DSCAML1: variants seen among roughly 807,000 people sequenced by gnomAD.
DSCAML1 encodes cell adhesion molecule DSCAML1.
In DSCAML1, 38 loss-of-function variants were observed where a neutral mutation model predicts 200.5. The ratio of observed to expected loss-of-function variants is 0.19; its 90% CI spans 0.15 to 0.25. The LOEUF is 0.25. DSCAML1 is among the 10% of genes least tolerant of loss of function. The pLI is 1.00. For missense variants in DSCAML1, 2,223 were observed against 2,858.8 expected (o/e 0.78, Z 5.07); for synonymous variants, 1,215 against 1,165.0 (o/e 1.04, Z -0.87).
rs2049834921 is a variant in DSCAML1, at chr11:117,518,963, C to T, written c.1214-201G>A. ...ACATGGATTCAGGCTGTAGGGTTTG[C>T]ATCCTCCCTCAATCACTTATTAGCT... On this transcript the variant is annotated intron_variant, in intron 6 of 32. Coordinates refer to ENST00000651296, the MANE Select transcript of DSCAML1 (RefSeq NM_020693.4). This position sits in a 1 kb window ranked among gnomAD's most constrained non-coding sequence, Gnocchi z 6.3. Among the ~76,000 whole-genome samples the T allele has an allele frequency of 6.6e-6, 1 of 152,240 alleles. No individual in the cohort carries two copies.
At position 117,442,209 on chromosome 11, in the gene DSCAML1, G is replaced by A. The variant is rs1478782442; in HGVS notation, c.3862+1677C>T. On this transcript the variant is annotated intron_variant, in intron 21 of 32. Transcript: ENST00000651296. Reference sequence around the variant, plus strand: ...TGTGTATGTGTGTGCATGTGTGCATGTATTAGTGTGTCTAGTGTGTGTGTG... The same window carrying A: ...TGTGTATGTGTGTGCATGTGTGCATATATTAGTGTGTCTAGTGTGTGTGTG... 2.0e-5 allele frequency among the ~76,000 whole-genome samples: 3 copies of A among 147,034 alleles called. No individual in the cohort carries two copies. In the East Asian group the frequency reaches 6.4e-4, roughly 31 times the overall value.
At chr11:117,683,636 G>C (rs918426338) in intron 3 of DSCAML1, among the ~76,000 whole-genome samples, 7 of 152,164 alleles carry the variant, frequency 4.6e-5, no homozygotes, top group African/African-American at 9.7e-5. Flanking sequence ...CAGAGGGGTC[G>C]AGCTTGTAGC....
Position 117,482,166 on chromosome 11 carries a change from G to T in DSCAML1, c.2360-4C>A. On this transcript the variant is annotated splice_region_variant and splice_polypyrimidine_tract_variant and intron_variant, in intron 11 of 32. Transcript: ENST00000651296. ...TGGGAAGTGATCATGGCCGGGACTG[G>T]GGGGCGGAGGCAGAGAAGGCCCAGT... The T allele has an allele frequency of 6.2e-7, 1 of 1,613,960 alleles. No homozygotes were observed.
At chr11:117,536,821 TACTACAAAGAC>T (rs1323620264) in intron 3 of DSCAML1, among the ~76,000 whole-genome samples, 1 of 152,198 alleles carries the variant, frequency 6.6e-6, no homozygotes, top group African/African-American at 2.4e-5. Context: ...CTTTTATTAT[TACTACAAAGAC>T]CCTGACCTGT....
intron 8 of DSCAML1, among the ~76,000 whole-genome samples, chr11:117,511,052 GA>G (rs1440593623): frequency 6.6e-6 from 1 of 152,176 alleles, no homozygotes; most frequent in East Asian, 1.9e-4. Context: ...TATCATCATA[GA>G]AACCCCCAAC....
At chr11:117,486,339 C>T (rs1021831457) in intron 11 of DSCAML1, among the ~76,000 whole-genome samples, 3 of 148,654 alleles carry the variant, frequency 2.0e-5, no homozygotes, top group Non-Finnish European at 3.0e-5. Context: ...GTGAAAATGG[C>T]GGATGTGATA....
chr11:117,442,191 GTGTGTGCA>G (rs1165737789), intron 21 of DSCAML1, among the ~76,000 whole-genome samples: 2 of 144,152 alleles, frequency 1.4e-5, no homozygotes, highest in South Asian at 2.2e-4. Context: ...TAGTGTGTAT[GTGTGTGCA>G]TGTGTGCATG....
At chr11:117,730,030 C>G (rs2054194485) in intron 3 of DSCAML1, among the ~76,000 whole-genome samples, 3 of 152,182 alleles carry the variant, frequency 2.0e-5, no homozygotes, top group African/African-American at 4.8e-5. Context: ...GAAACTCTAT[C>G]TCTACTAAAA....
intron 3 of DSCAML1, among the ~76,000 whole-genome samples, chr11:117,553,591 A>G (rs573648): frequency 0.64 from 97,863 of 152,108 alleles, 32,020 homozygotes; most frequent in East Asian, 0.85. Flanking sequence ...CCTCATTCCC[A>G]TGAGGATAGC....
At chr11:117,817,086 T>C (rs1263314318) in intron 1 of DSCAML1, among the ~76,000 whole-genome samples, 2 of 152,276 alleles carry the variant, frequency 1.3e-5, no homozygotes, top group East Asian at 1.9e-4. Context: ...AAGGGATAGG[T>C]GTGGGACTGG....
intron 3 of DSCAML1, among the ~76,000 whole-genome samples, chr11:117,598,166 T>C (rs1160838461): frequency 6.6e-6 from 1 of 152,234 alleles, no homozygotes; most frequent in Non-Finnish European, 1.5e-5. Context: ...TCTCCTCCAC[T>C]GTCCAAGAAT....
Position 117,689,025 on chromosome 11 carries a change from AG to A in DSCAML1, c.511+87765del. On this transcript the variant is annotated intron_variant, in intron 3 of 32. Coordinates refer to ENST00000651296, the MANE Select transcript of DSCAML1 (RefSeq NM_020693.4). ...GACCCCTTCCATGCCTCATAGCTCC[AG>A]GGAAGCAGCACAACCACCATCCTCC... 3.9e-5 allele frequency among the ~76,000 whole-genome samples: 6 copies of A among 152,260 alleles called. 1 individual carries two copies. In the South Asian group the frequency reaches 1.2e-3, roughly 32 times the overall value.
chr11:117,452,582 T>C (rs913401945), intron 19 of DSCAML1, among the ~76,000 whole-genome samples: 4 of 152,218 alleles, frequency 2.6e-5, no homozygotes, highest in African/African-American at 9.6e-5. Flanking sequence ...TTGGAGGATT[T>C]AGTTAATTTA....
chr11:117,777,331 A>G (rs1164102676), intron 2 of DSCAML1, among the ~76,000 whole-genome samples: 1 of 152,236 alleles, frequency 6.6e-6, no homozygotes. Context: ...TAATAAGGAA[A>G]TATGCTAGAA....
In DSCAML1 at chr11:117,573,212, C is replaced by T. The variant is rs186240332; in HGVS notation, c.512-40690G>A. On this transcript the variant is annotated intron_variant, in intron 3 of 32. Transcript: ENST00000651296. The stretch of plus-strand genomic sequence containing the variant: ...CGATCTGCTACTGCTGCAGATCATA[C>T]GCAGAGTACGCTGGCCGTACGCTCT... 1.6e-4 allele frequency among the ~76,000 whole-genome samples: 25 copies of T among 152,330 alleles called. No homozygotes were observed. The East Asian group carries it at 3.1e-3, about 19-fold the overall frequency.
At chr11:117,792,993 C>T (rs1565288400) in intron 1 of DSCAML1, among the ~76,000 whole-genome samples, 2 of 152,230 alleles carry the variant, frequency 1.3e-5, no homozygotes. Flanking sequence ...ATGTAGGAGA[C>T]AGAAGCATTA....
At chr11:117,671,041 T>A (rs895924298) in intron 3 of DSCAML1, among the ~76,000 whole-genome samples, 1 of 152,144 alleles carries the variant, frequency 6.6e-6, no homozygotes, top group Non-Finnish European at 1.5e-5. Context: ...AAGAGGCCAA[T>A]TCCCTCTGGC....
chr11:117,485,509 T>C (rs559577475), intron 11 of DSCAML1, among the ~76,000 whole-genome samples: 146 of 152,338 alleles, frequency 9.6e-4, no homozygotes, highest in African/African-American at 3.4e-3. Context: ...TCTGCTTCTG[T>C]GGCTGCGAGC....
At chr11:117,540,199 C>CTGTT (rs1460823940) in intron 3 of DSCAML1, among the ~76,000 whole-genome samples, 2 of 152,160 alleles carry the variant, frequency 1.3e-5, no homozygotes, top group African/African-American at 4.8e-5. Context: ...TGTTCGTGGC[C>CTGTT]TGTTAGTAAC....
Sources: gnomAD v4.1 joint callset for allele counts (sites outside exome capture counted in the v4.1 genomes callset) on GRCh38, gnomAD v4.1.1 for gene constraint, Gnocchi (gnomAD v3.1) non-coding constraint, MANE v1.5 for transcripts, NCBI Gene and HGNC (gene_info 2026-07-23, HGNC 2026-07-21) for gene names.